The following CHAD variants were observed in gnomAD, a reference collection of about 807,000 sequenced individuals.
CHAD encodes chondroadherin.
Under a neutral mutation model 24.0 loss-of-function variants are expected in CHAD, and 18 were observed. That is an observed-to-expected ratio of 0.75 (90% CI 0.52 to 1.11). CHAD has a LOEUF of 1.11. Among genes scored for constraint, CHAD ranks in the 50% most tolerant of loss-of-function variants. CHAD has a pLI of 0.00. For missense variants in CHAD, 440 were observed against 467.2 expected (o/e 0.94, Z 0.54); for synonymous variants, 195 against 211.6 (o/e 0.92, Z 0.68).
chr17:50,467,209 T>A (rs1038237819), intron 1 of CHAD, among the ~76,000 whole-genome samples: 2 of 152,000 alleles, frequency 1.3e-5, no homozygotes, highest in African/African-American at 4.8e-5. Context: ...AAGGAATGAG[T>A]GAGGATGCAG....
Position 50,467,378 on chromosome 17 carries a change from C to G in CHAD, c.774+662G>C, listed in dbSNP as rs186224686. Among the ~76,000 whole-genome samples, 28 of 152,180 alleles carry G rather than the reference C, an allele frequency of 1.8e-4. 1 individual carries two copies. Among genetic ancestry groups the G allele is most frequent in the Non-Finnish European group, 3.7e-4 (25 of 68,034 alleles). ...TGCCCCTTCACGGAGCCCATGGGCA[C>G]GATGCTTGCATCCTGGGGGAGCCCT... On this transcript the variant is annotated intron_variant, in intron 1 of 3. Transcript: ENST00000508540.
In CHAD at chr17:50,468,765, G is replaced by A; in HGVS notation, c.49C>T (p.Leu17=). The part of the protein sequence containing the change: ...LLSLGLLAGL[L]PALAACPQNC... ...TGGGGGCAGGCGGCCAGCGCCGGCAGCAGACCAGCCAGGAGGCCGAGGCTG... is the reference window on the plus strand; with the variant it reads ...TGGGGGCAGGCGGCCAGCGCCGGCAACAGACCAGCCAGGAGGCCGAGGCTG... The change falls in exon 1 of 4, where the codon CTG becomes TTG. Residue 17 remains leucine, a synonymous_variant. Transcript: ENST00000508540. The A allele has an allele frequency of 4.4e-6, 7 of 1,589,988 alleles. No individual in the cohort carries two copies. Among genetic ancestry groups the A allele is most frequent in the Non-Finnish European group, 6.0e-6 (7 of 1,172,184 alleles).
chr17:50,465,245 C>T (rs1485140849), intron 3 of CHAD, 49 bp downstream of exon 3: 1 of 1,608,852 alleles, frequency 6.2e-7, no homozygotes, highest in Non-Finnish European at 8.5e-7. Context: ...AGCTCACTTG[C>T]TGGAATCACC....
At chr17:50,466,129 C>T (rs1003178787) in intron 1 of CHAD, among the ~76,000 whole-genome samples, 2 of 148,378 alleles carry the variant, frequency 1.3e-5, no homozygotes, top group Admixed American at 6.7e-5. Flanking sequence ...CTGTGTTGCC[C>T]AGGCTGGAGC....
chr17:50,468,741 G>T lies in CHAD; in HGVS notation c.73C>A (p.Gln25Lys), dbSNP rs35417848. 5,827 of 1,605,854 alleles carry T rather than the reference G, an allele frequency of 3.6e-3. 191 individuals are homozygous for T. In the African/African-American group the frequency reaches 0.066, roughly 18 times the overall value. The change falls in exon 1 of 4, where the codon CAG (glutamine) becomes AAG (lysine). Residue 25 changes from glutamine (Q) to lysine (K), a missense_variant. By Grantham distance (53) the Gln-to-Lys change is moderately conservative. Transcript: ENST00000508540. Reference sequence around the variant, plus strand: ...AGGTCGCTGTGGCAGTGGCAGTTCTGGGGGCAGGCGGCCAGCGCCGGCAGC... The same window carrying T: ...AGGTCGCTGTGGCAGTGGCAGTTCTTGGGGCAGGCGGCCAGCGCCGGCAGC... ...GLLPALAACPQNCHCHSDLQH... is the reference protein window; with the variant it reads ...GLLPALAACPKNCHCHSDLQH...
Position 50,465,599 on chromosome 17 carries a change from T to G in CHAD, c.938+108A>C. 3 of 1,490,640 alleles carry G rather than the reference T, an allele frequency of 2.0e-6. No individual in the cohort carries two copies. The South Asian group carries it at 3.6e-5, about 18-fold the overall frequency. The allele number at this position is 1,490,640 out of a possible 1,614,324, so 92.3% of individuals were successfully genotyped here. A position where few individuals can be genotyped will look rare whatever the true frequency, so the allele number is the denominator to read the frequency against. On this transcript the variant is annotated intron_variant, in intron 2 of 3. Coordinates refer to ENST00000508540, the MANE Select transcript of CHAD (RefSeq NM_001267.3). ...AACTGAGGCTCCCAGGGTCCCATGC[T>G]TATTAGGTAGCAGATCTAGGATGCA...
Position 50,465,378 on chromosome 17 carries a change from C to G in CHAD, c.1000G>C (p.Gly334Arg), listed in dbSNP as rs1223879895. ...GCGTCCGTGTCACGGATGTGCTGGC[C>G]CTTGAACTTGGCAGGTGAGGCACAG... ...ATCASPAKFK[G>R]QHIRDTDAFR... is the part of the protein sequence containing the mutation. The change falls in exon 3 of 4, where the codon GGC becomes CGC. Residue 334 changes from glycine to arginine, a missense_variant. Physicochemically the swap from Gly to Arg is moderately radical, Grantham distance 125. Transcript: ENST00000508540. The G allele has an allele frequency of 3.7e-6, 6 of 1,613,854 alleles. No individual in the cohort carries two copies. Among genetic ancestry groups the G allele is most frequent in the Middle Eastern group, 1.6e-4 (1 of 6,084 alleles).
intron 1 of CHAD, among the ~76,000 whole-genome samples, chr17:50,467,279 G>A (rs1253700025): frequency 6.6e-6 from 1 of 152,230 alleles, no homozygotes; most frequent in Admixed American, 6.5e-5. Context: ...TGGAGACAGT[G>A]AGTCACGCCA....
chr17:50,465,244 G>T, intron 3 of CHAD, 50 bp downstream of exon 3: 3 of 1,608,250 alleles, frequency 1.9e-6, no homozygotes, highest in Non-Finnish European at 2.6e-6. Context: ...CAGCTCACTT[G>T]CTGGAATCAC....
intron 3 of CHAD, 110 bp downstream of exon 3, chr17:50,465,184 A>T: frequency 1.5e-6 from 2 of 1,292,818 alleles, no homozygotes; most frequent in South Asian, 1.4e-5. Context: ...CTCTGTAAAA[A>T]TGGAGGGTCT....
Position 50,468,608 on chromosome 17 carries a change from T to C in CHAD, c.206A>G (p.Asn69Ser), listed in dbSNP as rs771471532. ...GAGGTTCGGCATGGCCCGGAACGAA[T>C]TGGCAGCCAGCACCGGGAAGTTGTT... ...QRNNFPVLAA[N>S]SFRAMPNLVS... The change falls in exon 1 of 4, where the codon AAT becomes AGT. Residue 69 changes from asparagine to serine, a missense_variant. Asn to Ser is a conservative substitution (Grantham distance 46). Transcript: ENST00000508540. 9.9e-6 allele frequency: 16 copies of C among 1,614,086 alleles called. No individual in the cohort carries two copies. Among genetic ancestry groups the C allele is most frequent in the African/African-American group, 1.3e-5 (1 of 74,950 alleles).
chr17:50,467,733 C>T, intron 1 of CHAD: 1 of 300,756 alleles, frequency 3.3e-6, no homozygotes, highest in Non-Finnish European at 6.1e-6. Flanking sequence ...GAGGTGGCTG[C>T]TGCTCACAGT....
rs766560873 is a variant in CHAD, at chr17:50,468,125, G to A, written c.689C>T (p.Pro230Leu). The change falls in exon 1 of 4, where the codon CCC becomes CTC. Residue 230 changes from proline (P) to leucine (L), a missense_variant. Pro to Leu is a moderately conservative substitution (Grantham distance 98). Transcript: ENST00000508540. Reference sequence around the variant, plus strand: ...GGCATTGTCCGGGATGCTTTTCAGGGGGTTGTGGGACAGCTTCAGCTCCTC... The same window carrying A: ...GGCATTGTCCGGGATGCTTTTCAGGAGGTTGTGGGACAGCTTCAGCTCCTC... Reference protein sequence around the residue: ...VVEELKLSHNPLKSIPDNAFQ... With the variant: ...VVEELKLSHNLLKSIPDNAFQ... 1.2e-6 allele frequency: 2 copies of A among 1,614,148 alleles called. No individual in the cohort carries two copies. Among genetic ancestry groups the A allele is most frequent in the East Asian group, 2.2e-5 (1 of 44,890 alleles).
chr17:50,465,201 C>T (rs368019346), intron 3 of CHAD, 93 bp downstream of exon 3: 1 of 1,480,650 alleles, frequency 6.8e-7, no homozygotes, highest in Non-Finnish European at 9.2e-7. Flanking sequence ...GTCTGCCTGA[C>T]CCTCCAGGGC....
At chr17:50,465,211 C>A (rs898454) in intron 3 of CHAD, 83 bp downstream of exon 3, 2 of 1,543,332 alleles carry the variant, frequency 1.3e-6, no homozygotes, top group African/African-American at 1.4e-5. Flanking sequence ...CCCTCCAGGG[C>A]CAGGGGGTAT....
At chr17:50,465,536 A>G (rs2143745304) in intron 2 of CHAD, 97 bp from the exon 3 acceptor site, 2 of 1,508,650 alleles carry the variant, frequency 1.3e-6, no homozygotes, top group East Asian at 2.3e-5. Flanking sequence ...TGGCCACAGG[A>G]TAGTCTGAAG....
chr17:50,465,145 C>G (rs2032613520), intron 3 of CHAD, 96 bp from the exon 4 acceptor site: 1 of 872,856 alleles, frequency 1.1e-6, no homozygotes. Flanking sequence ...TTCCTCCCTT[C>G]AACAGGGGAC....
chr17:50,465,844 T>G lies in CHAD; in HGVS notation c.801A>C (p.Val267=). The G allele has an allele frequency of 6.2e-7, 1 of 1,613,762 alleles. No homozygotes were observed. Among genetic ancestry groups the G allele is most frequent in the Non-Finnish European group, 8.5e-7 (1 of 1,179,938 alleles). The change falls in exon 2 of 4, where the codon GTA becomes GTC. Residue 267 remains valine, a synonymous_variant. Coordinates refer to ENST00000508540, the MANE Select transcript of CHAD (RefSeq NM_001267.3). ...EKFSDGAFLG[V]TTLKHVHLEN... is the part of the protein sequence containing the mutation. ...CCAAATGGACGTGTTTCAGCGTGGT[T>G]ACACCCAGGAAGGCACCATCTGAGA...
chr17:50,466,077 T>TTTTTTTTTTTTTCC (rs1358912348), intron 1 of CHAD, among the ~76,000 whole-genome samples: 5 of 150,950 alleles, frequency 3.3e-5, no homozygotes, highest in Non-Finnish European at 7.4e-5. Flanking sequence ...TATTTTCTTT[T>TTTTTTTTTTTTTCC]TTTTTTTTTT....
Sources: gnomAD v4.1 joint callset for allele counts (sites outside exome capture counted in the v4.1 genomes callset) on GRCh38, gnomAD v4.1.1 for gene constraint, MANE v1.5 for transcripts, NCBI Gene and HGNC (gene_info 2026-07-23, HGNC 2026-07-21) for gene names.